The following LTBP1 variants were observed in gnomAD, a reference collection of about 807,000 sequenced individuals.
The protein encoded by LTBP1 is latent transforming growth factor beta binding protein 1, also known as latent-transforming growth factor beta-binding protein 1.
In LTBP1, 129 loss-of-function variants were observed where a neutral mutation model predicts 207.6. The ratio of observed to expected loss-of-function variants is 0.62; its 90% CI spans 0.54 to 0.72. LTBP1 has a LOEUF of 0.72. Ranked by LOEUF, LTBP1 falls within the 30% of genes least tolerant of loss-of-function variation. The pLI is 0.00. For synonymous variants in LTBP1, 963 were observed against 833.7 expected, an observed-to-expected ratio of 1.16 and a Z score of -2.67; for missense variants, 2,281 against 2,217.2, an observed-to-expected ratio of 1.03 and a Z score of -0.58.
chr2:33,231,826 T>C (rs2091807933), intron 9 of LTBP1, among the ~76,000 whole-genome samples: 1 of 152,228 alleles, frequency 6.6e-6, no homozygotes, highest in Non-Finnish European at 1.5e-5. Context: ...TTATGGGCTT[T>C]GTGATACGTG....
At chr2:33,168,889 G>A (rs551340607) in intron 5 of LTBP1, among the ~76,000 whole-genome samples, 20 of 152,280 alleles carry the variant, frequency 1.3e-4, no homozygotes, top group African/African-American at 4.8e-4. Flanking sequence ...CCTATATGCT[G>A]TCAGTGACAG....
At chr2:33,014,162 T>G (rs1365463947) in intron 2 of LTBP1, among the ~76,000 whole-genome samples, 3 of 152,118 alleles carry the variant, frequency 2.0e-5, no homozygotes, top group Non-Finnish European at 4.4e-5. Flanking sequence ...AATATATTGG[T>G]GATTGATGGG....
intron 4 of LTBP1, among the ~76,000 whole-genome samples, chr2:33,112,318 T>A (rs1407933721): frequency 6.6e-6 from 1 of 152,362 alleles, no homozygotes; most frequent in Non-Finnish European, 1.5e-5. Flanking sequence ...ATATGTATTT[T>A]AAACTCTCAA....
chr2:33,196,335 A>G (rs1368673630), intron 7 of LTBP1, among the ~76,000 whole-genome samples: 1 of 152,212 alleles, frequency 6.6e-6, no homozygotes, highest in Non-Finnish European at 1.5e-5. Flanking sequence ...AAAATTTCCT[A>G]GACTTATAAA....
At chr2:33,268,616 A>T (rs1385814584) in intron 15 of LTBP1, among the ~76,000 whole-genome samples, 1 of 152,258 alleles carries the variant, frequency 6.6e-6, no homozygotes, top group Non-Finnish European at 1.5e-5. Context: ...ATGTTTCAGC[A>T]TATAAATTCT....
At chr2:33,000,863 G>A (rs1447611570) in intron 2 of LTBP1, among the ~76,000 whole-genome samples, 3 of 134,272 alleles carry the variant, frequency 2.2e-5, no homozygotes, top group Non-Finnish European at 4.9e-5. Context: ...CAGGAGGGGG[G>A]GTTCAAACAC....
chr2:33,249,250 TC>T (rs1473666690), intron 10 of LTBP1, among the ~76,000 whole-genome samples: 2 of 151,966 alleles, frequency 1.3e-5, no homozygotes, highest in African/African-American at 4.8e-5. Context: ...TGCCTGGTGT[TC>T]CATTATTGGA....
intron 18 of LTBP1, among the ~76,000 whole-genome samples, chr2:33,277,393 C>G (rs981998126): frequency 2.6e-5 from 4 of 152,154 alleles, no homozygotes; most frequent in African/African-American, 9.7e-5. Context: ...TGAAGAGATG[C>G]AGCGTGGGAG....
intron 3 of LTBP1, among the ~76,000 whole-genome samples, chr2:33,079,259 A>C (rs1023770937): frequency 1.3e-5 from 2 of 152,224 alleles, no homozygotes; most frequent in Non-Finnish European, 2.9e-5. Flanking sequence ...TGGAGAAAAC[A>C]AATGAATAAG....
At chr2:33,195,985 T>C (rs2088507194) in intron 7 of LTBP1, among the ~76,000 whole-genome samples, 1 of 152,166 alleles carries the variant, frequency 6.6e-6, no homozygotes, top group South Asian at 2.1e-4. Flanking sequence ...ATTATTAGCA[T>C]TTTTAAAGCA....
rs1476787388 is a variant in LTBP1 at position 33,044,535 on chromosome 2, T to A, written c.863+23329T>A. The stretch of plus-strand genomic sequence containing the variant: ...ATCATTGATGAGCATTTGGGTTGAT[T>A]CCAAGTCCTTGCTATTGTGAACAGT... On this transcript the variant is annotated intron_variant, in intron 3 of 33. Coordinates refer to ENST00000404816, the MANE Select transcript of LTBP1 (RefSeq NM_206943.4). Among the ~76,000 whole-genome samples the A allele has an allele frequency of 3.9e-5, 6 of 152,202 alleles. No individual in the cohort carries two copies. In the South Asian group the frequency reaches 1.0e-3, roughly 26 times the overall value.
intron 3 of LTBP1, among the ~76,000 whole-genome samples, chr2:33,107,177 C>T (rs542786350): frequency 1.3e-5 from 2 of 152,298 alleles, no homozygotes; most frequent in South Asian, 2.1e-4. Context: ...CCCTGCACAT[C>T]GTAAGGGTAA....
intron 24 of LTBP1, among the ~76,000 whole-genome samples, chr2:33,336,710 A>C (rs2094557598): frequency 6.6e-6 from 1 of 152,196 alleles, no homozygotes; most frequent in African/African-American, 2.4e-5. Flanking sequence ...TTCCCCTAAT[A>C]GATGAGTACG....
chr2:33,360,313 T>C (rs926839830), intron 26 of LTBP1, among the ~76,000 whole-genome samples: 1 of 152,188 alleles, frequency 6.6e-6, no homozygotes, highest in African/African-American at 2.4e-5. Context: ...ATATGGAAAC[T>C]CTACTCACAG....
chr2:33,388,820 G>A (rs1487855964), intron 31 of LTBP1, among the ~76,000 whole-genome samples: 5 of 152,142 alleles, frequency 3.3e-5, no homozygotes, highest in Non-Finnish European at 7.4e-5. Context: ...CTTTAAAAAT[G>A]TTTTTGATGA....
intron 15 of LTBP1, among the ~76,000 whole-genome samples, chr2:33,272,439 A>G (rs1188015771): frequency 6.6e-6 from 1 of 152,230 alleles, no homozygotes; most frequent in African/African-American, 2.4e-5. Context: ...CTTGTTTACT[A>G]TACGATGACA....
Position 33,227,690 on chromosome 2 carries a change from C to G in LTBP1, c.1876+5539C>G, listed in dbSNP as rs573877658. ...CCTGACAGGCTGATTTCTCAGACATCAAGGACCCAGTCTTACTCACTTTTG... is the reference window on the plus strand; with the variant it reads ...CCTGACAGGCTGATTTCTCAGACATGAAGGACCCAGTCTTACTCACTTTTG... On this transcript the variant is annotated intron_variant, in intron 9 of 33. Coordinates refer to ENST00000404816, the MANE Select transcript of LTBP1 (RefSeq NM_206943.4). Among the ~76,000 whole-genome samples the G allele has an allele frequency of 4.8e-4, 72 of 151,570 alleles. 1 individual carries two copies. Among genetic ancestry groups the G allele is most frequent in the African/African-American group, 1.6e-3 (68 of 41,334 alleles).
At chr2:32,977,565 A>T (rs904910807) in intron 2 of LTBP1, among the ~76,000 whole-genome samples, 20 of 152,066 alleles carry the variant, frequency 1.3e-4, no homozygotes, top group African/African-American at 4.6e-4. Flanking sequence ...GTGTCCTTGG[A>T]CTTGAGAGTT....
chr2:33,058,669 ATACTT>A (rs1304185621), intron 3 of LTBP1, among the ~76,000 whole-genome samples: 2 of 152,230 alleles, frequency 1.3e-5, no homozygotes, highest in African/African-American at 4.8e-5. Context: ...ATGTTAAAAA[ATACTT>A]TAGTGAATTT....
Sources: allele counts gnomAD v4.1 joint callset (sites outside exome capture counted in the v4.1 genomes callset), GRCh38; gene constraint gnomAD v4.1.1; transcripts MANE v1.5; gene names NCBI Gene and HGNC (gene_info 2026-07-23, HGNC 2026-07-21).